The following TCP11 variants were observed in gnomAD, a reference collection of about 807,000 sequenced individuals.
The protein encoded by TCP11 is t-complex 11.
TCP11 carries 34 observed loss-of-function variants against 45.0 expected under a neutral mutation model. That is an observed-to-expected ratio of 0.76 (90% CI 0.57 to 1.01). The LOEUF (loss-of-function observed/expected upper bound fraction) is 1.01. TCP11 is among the 50% of genes least tolerant of loss of function. The pLI is 0.00. For missense variants in TCP11, 523 were observed against 598.1 expected, an observed-to-expected ratio of 0.87 and a Z score of 1.31; for synonymous variants, 227 against 227.0, an observed-to-expected ratio of 1.00 and a Z score of 0.00.
intron 4 of TCP11, chr6:35,128,680 C>G (rs1300700050): frequency 6.3e-6 from 1 of 157,852 alleles, no homozygotes; most frequent in East Asian, 1.9e-4. Flanking sequence ...AATAGCTTCT[C>G]CAGTGCTTGG....
rs184711184 is a variant in TCP11, at chr6:35,133,574, G to A, written c.236+2533C>T. On this transcript the variant is annotated intron_variant, in intron 3 of 9. Transcript: ENST00000311875. ...TGGGAGGCCAAGGCGGGTGGATCAC[G>A]AGGTCAAGAGATCGAGACCACCCTG... Among the ~76,000 whole-genome samples the A allele has an allele frequency of 1.1e-3, 172 of 152,060 alleles. 5 individuals are homozygous for A. The East Asian group carries it at 0.028, about 24-fold the overall frequency.
intron 8 of TCP11, 24 bp from the exon 9 acceptor site, chr6:35,119,415 T>C (rs1778987833): frequency 6.2e-7 from 1 of 1,611,356 alleles, no homozygotes; most frequent in Non-Finnish European, 8.5e-7. Flanking sequence ...GAAAGTAAGC[T>C]GGCACCCACC....
At chr6:35,121,518 G>A (rs1001821305) in intron 5 of TCP11, among the ~76,000 whole-genome samples, 5 of 151,866 alleles carry the variant, frequency 3.3e-5, no homozygotes, top group Non-Finnish European at 5.9e-5. Flanking sequence ...GAAAACCTGG[G>A]AAAGGGCCCG....
At chr6:35,119,520 AC>A in intron 8 of TCP11, 129 bp from the exon 9 acceptor site, 1 of 1,144,432 alleles carries the variant, frequency 8.7e-7, no homozygotes, top group Non-Finnish European at 1.2e-6. Context: ...CCACCCCTAA[AC>A]CCCAGCCCCT....
chr6:35,140,846 GCA>G lies in TCP11; in HGVS notation c.23_24del (p.Val8AlafsTer14). ...TCTGAGTCGCCAGGATATTTCGGGG[GCA>G]CACTCTCCTTGACGTCTGGCATTTT... The part of the protein sequence containing the change: MPDVKES[V>X]PPKYPGDSEG... On this transcript the variant is annotated frameshift_variant, in exon 2 of 10. Coordinates refer to ENST00000311875, the MANE Select transcript of TCP11 (RefSeq NM_001370687.1). LOFTEE classifies it high-confidence loss of function. 1.3e-6 allele frequency: 2 copies of G among 1,570,982 alleles called. No homozygotes were observed. The highest frequency in any genetic ancestry group is 1.7e-6 in the Non-Finnish European group (2 of 1,162,286).
At chr6:35,137,992 T>C (rs982771979) in intron 2 of TCP11, 1 of 344,918 alleles carries the variant, frequency 2.9e-6, no homozygotes, top group African/African-American at 2.2e-5. Context: ...AGAATGCCCC[T>C]GTTCTTAGAT....
At chr6:35,140,542 T>C (rs571924682) in intron 2 of TCP11, 3 of 665,842 alleles carry the variant, frequency 4.5e-6, no homozygotes, top group African/African-American at 1.8e-5. Flanking sequence ...GTAATCACGC[T>C]TGGGTCACTT....
chr6:35,135,018 A>G (rs1780900446), intron 3 of TCP11, among the ~76,000 whole-genome samples: 1 of 152,100 alleles, frequency 6.6e-6, no homozygotes, highest in African/African-American at 2.4e-5. Context: ...GTGGTGGTGC[A>G]TGCCTGTAAT....
At chr6:35,128,795 A>G in intron 4 of TCP11, 1 of 332,462 alleles carries the variant, frequency 3.0e-6, no homozygotes, top group East Asian at 7.7e-5. Flanking sequence ...CTCAGCCCTA[A>G]GGGTATGATA....
At chr6:35,139,171 G>A (rs779202752) in intron 2 of TCP11, among the ~76,000 whole-genome samples, 1 of 151,000 alleles carries the variant, frequency 6.6e-6, no homozygotes. Flanking sequence ...CTGGGTGACA[G>A]AGACTCCGTC....
chr6:35,139,475 G>A (rs555788386), intron 2 of TCP11, among the ~76,000 whole-genome samples: 14 of 152,186 alleles, frequency 9.2e-5, no homozygotes, highest in Admixed American at 2.0e-4. Context: ...GGACGCTTGA[G>A]GTTCCCTTTA....
intron 4 of TCP11, among the ~76,000 whole-genome samples, chr6:35,123,914 A>G (rs755702452): frequency 2.0e-4 from 31 of 151,992 alleles, no homozygotes; most frequent in Non-Finnish European, 3.7e-4. Context: ...CAACCTCCTA[A>G]GTAGCTGGAA....
At chr6:35,135,908 C>T (rs980399401) in intron 3 of TCP11, among the ~76,000 whole-genome samples, 199 bp downstream of exon 3, 1 of 152,178 alleles carries the variant, frequency 6.6e-6, no homozygotes, top group Non-Finnish European at 1.5e-5. Context: ...TATTTGTTGA[C>T]TAAGTAACAT....
In TCP11 at chr6:35,122,332, CA is replaced by C. The variant is rs1561993258; in HGVS notation, c.362del (p.Leu121CysfsTer12). ...LELLKEIKEI[L>X]LSLLLPRQNR... ...TCTGGCGTGGTAATAGCAGTGATAG[CA>C]AGATCTGCCCAGGAAAGAAAGTCAA... On this transcript the variant is annotated frameshift_variant, in exon 5 of 10. Coordinates refer to ENST00000311875, the MANE Select transcript of TCP11 (RefSeq NM_001370687.1). LOFTEE classifies it high-confidence loss of function. 6.2e-7 allele frequency: 1 copy of C among 1,614,106 alleles called. No homozygotes were observed. Among genetic ancestry groups the C allele is most frequent in the Non-Finnish European group, 8.5e-7 (1 of 1,179,990 alleles).
chr6:35,132,883 C>T (rs1209747856), intron 3 of TCP11, among the ~76,000 whole-genome samples: 2 of 152,186 alleles, frequency 1.3e-5, no homozygotes, highest in Non-Finnish European at 2.9e-5. Flanking sequence ...CAACAAACAT[C>T]TCTAAACAGT....
chr6:35,141,309 C>G lies in TCP11; in HGVS notation c.-119G>C. ...GCGGCGGAGCGGCGGGTTGGGGCGT[C>G]GCACGGTGAGAAAGGCCGGGGCCTG... On this transcript the variant is annotated 5_prime_UTR_variant, in exon 1 of 10. Transcript: ENST00000311875. The G allele has an allele frequency of 7.8e-7, 1 of 1,274,908 alleles. No homozygotes were observed. Among genetic ancestry groups the G allele is most frequent in the Non-Finnish European group, 9.9e-7 (1 of 1,007,032 alleles). The allele number at this position is 1,274,908 out of a possible 1,614,324, so 79.0% of individuals were successfully genotyped here.
In TCP11 at chr6:35,120,112, A is replaced by T; in HGVS notation, c.1115+47T>A. ...TCGTTCATTACCTGCCTATGTTCTA[A>T]ATACCACATATCACCTTCTACTCTA... On this transcript the variant is annotated intron_variant, in intron 8 of 9. Coordinates refer to ENST00000311875, the MANE Select transcript of TCP11 (RefSeq NM_001370687.1). The surrounding 1 kb of genome is among the most constrained non-coding windows in gnomAD (Gnocchi z 4.9). The T allele has an allele frequency of 6.3e-7, 1 of 1,587,208 alleles. No individual in the cohort carries two copies. The highest frequency in any genetic ancestry group is 8.6e-7 in the Non-Finnish European group (1 of 1,165,246).
intron 9 of TCP11, 124 bp from the exon 10 acceptor site, chr6:35,118,625 A>G: frequency 1.2e-6 from 1 of 810,226 alleles, no homozygotes. Context: ...CCCCCTACCT[A>G]GAGATAATGA....
At chr6:35,122,485 A>C in intron 4 of TCP11, 148 bp from the exon 5 acceptor site, 3 of 687,908 alleles carry the variant, frequency 4.4e-6, no homozygotes, top group Non-Finnish European at 7.4e-6. Context: ...AATATTATTT[A>C]TCTTTGTTTA....
Sources: allele counts gnomAD v4.1 joint callset (sites outside exome capture counted in the v4.1 genomes callset), GRCh38; gene constraint gnomAD v4.1.1; non-coding constraint Gnocchi (gnomAD v3.1); transcripts MANE v1.5; gene names NCBI Gene and HGNC (gene_info 2026-07-23, HGNC 2026-07-21).